Variants in CUX1 observed in about 807,000 individuals in gnomAD.
CUX1 encodes the protein cut like homeobox 1.
In CUX1, 31 loss-of-function variants were observed where a neutral mutation model predicts 158.8. The ratio of observed to expected loss-of-function variants is 0.20; its 90% CI spans 0.15 to 0.26. CUX1 has a LOEUF of 0.26. Ranked by LOEUF, CUX1 falls within the 10% of genes least tolerant of loss-of-function variation. CUX1 has a pLI of 1.00. For missense variants in CUX1, 1,589 were observed against 2,014.6 expected (o/e 0.79, Z 4.04); for synonymous variants, 879 against 862.1 (o/e 1.02, Z -0.34).
Position 102,170,548 on chromosome 7 carries a change from G to A in CUX1, c.826G>A (p.Val276Met), listed in dbSNP as rs563766526. Reference sequence around the variant, plus strand: ...CTCACAGATCCAGAAGGCACCAGACGTGGTGGGTAGCCCCGGCCCCGTGGG... The same window carrying A: ...CTCACAGATCCAGAAGGCACCAGACATGGTGGGTAGCCCCGGCCCCGTGGG... ...LASQIQKAPD[V>M]EQAIEVLTRS... The change falls in exon 10 of 24, where the codon GTG becomes ATG. Residue 276 changes from valine to methionine, a missense_variant and splice_region_variant. Coordinates refer to ENST00000292535, the MANE Select transcript of CUX1 (RefSeq NM_181552.4). 1.3e-5 allele frequency: 20 copies of A among 1,575,046 alleles called. No individual in the cohort carries two copies. The highest frequency in any genetic ancestry group is 8.1e-5 in the African/African-American group (6 of 73,892).
At chr7:101,861,620 TG>T (rs796192275) in intron 1 of CUX1, among the ~76,000 whole-genome samples, 6 of 17,368 alleles carry the variant, frequency 3.5e-4, no homozygotes, top group African/African-American at 1.4e-3. Context: ...TAGGGTGGGG[TG>T]GGGTGGGGTG....
intron 1 of CUX1, among the ~76,000 whole-genome samples, chr7:101,898,036 C>T (rs1041869156): frequency 6.6e-5 from 10 of 152,104 alleles, no homozygotes; most frequent in African/African-American, 2.4e-4. Flanking sequence ...TTGGCAGCCC[C>T]GAGGGGTCAG....
intron 5 of CUX1, among the ~76,000 whole-genome samples, chr7:102,102,081 T>A (rs1554486644): frequency 3.3e-5 from 5 of 152,046 alleles, no homozygotes. Flanking sequence ...GAGAGAGACG[T>A]ATCACCAACC....
At position 102,021,621 on chromosome 7, in the gene CUX1, T is replaced by C. The variant is rs868345202; in HGVS notation, c.142-6477T>C. Among the ~76,000 whole-genome samples the C allele has an allele frequency of 6.1e-3, 829 of 136,710 alleles. 5 individuals carry two copies. Among genetic ancestry groups the C allele is most frequent in the African/African-American group, 0.02 (716 of 36,686 alleles). The allele number at this position is 136,710 out of a possible 152,430, so 89.7% of individuals were successfully genotyped here. ...CCAGATACTTTTTTTTCTCTTTTTT[T>C]TTTTTTTTTTTTTTTGGATGGAGTT... On this transcript the variant is annotated intron_variant, in intron 2 of 23. Transcript: ENST00000292535.
chr7:102,168,918 C>CTTTTTTTTTTTTTTTTTTTTTTT (rs1239519322), intron 9 of CUX1, among the ~76,000 whole-genome samples: 3 of 84,130 alleles, frequency 3.6e-5, no homozygotes, highest in African/African-American at 6.9e-5. Flanking sequence ...CTTTTATTTT[C>CTTTTTTTTTTTTTTTTTTTTTTT]TTTTCTTTTC....
chr7:102,243,801 G>T (rs1800510264), intron 23 of CUX1, among the ~76,000 whole-genome samples: 1 of 151,958 alleles, frequency 6.6e-6, no homozygotes, highest in African/African-American at 2.4e-5. Flanking sequence ...GCCAAGGCGG[G>T]CAGATCATCT....
intron 3 of CUX1, among the ~76,000 whole-genome samples, chr7:102,057,464 C>T (rs1172715512): frequency 6.6e-6 from 1 of 152,120 alleles, no homozygotes; most frequent in Non-Finnish European, 1.5e-5. Flanking sequence ...GGAAAGGAGT[C>T]ACCATTTTAG....
intron 7 of CUX1, among the ~76,000 whole-genome samples, chr7:102,114,075 A>G (rs1831208520): frequency 6.6e-6 from 1 of 152,126 alleles, no homozygotes; most frequent in African/African-American, 2.4e-5. Flanking sequence ...TGATGAGAGA[A>G]CTGAAGGTTA....
At position 102,255,011 on chromosome 7, in the gene CUX1, A is replaced by G. The variant is rs1554541534; in HGVS notation, c.*5969A>G. ...TTAAGTCCACCAACCCTTGGGCTTA[A>G]TCAGGACGGAAGAGGAGGGGGTGTG... On this transcript the variant is annotated 3_prime_UTR_variant, in exon 24 of 24. Coordinates refer to ENST00000292535, the MANE Select transcript of CUX1 (RefSeq NM_181552.4). 1 of 985,394 alleles carries G rather than the reference A, an allele frequency of 1.0e-6. No individual in the cohort carries two copies. The highest frequency in any genetic ancestry group is 1.7e-5 in the African/African-American group (1 of 57,234). 61.0% of individuals were successfully genotyped at this position (985,394 alleles called of 1,614,324 possible).
intron 8 of CUX1, among the ~76,000 whole-genome samples, chr7:102,121,381 T>C (rs1333345940): frequency 6.8e-6 from 1 of 148,100 alleles, no homozygotes; most frequent in Non-Finnish European, 1.5e-5. Context: ...AGTCTCGCTC[T>C]ATTGCCCAGG....
At chr7:101,957,346 A>G (rs1414574267) in intron 2 of CUX1, among the ~76,000 whole-genome samples, 1 of 152,122 alleles carries the variant, frequency 6.6e-6, no homozygotes, top group African/African-American at 2.4e-5. Flanking sequence ...CTTAGCAGGG[A>G]TTATTTTTGG....
rs1053580085 is a variant in CUX1 at position 102,281,111 on chromosome 7, G to T, written c.1821+251G>T. Among the ~76,000 whole-genome samples the T allele has an allele frequency of 3.9e-5, 6 of 152,338 alleles. No individual in the cohort carries two copies. The South Asian group carries it at 1.2e-3, about 32-fold the overall frequency. On this transcript the variant is annotated intron_variant, in intron 20 of 22. Coordinates refer to the CUX1 transcript ENST00000292538. ...CTGCAGCCTAGAGTCAGACATGGTGGCTCACACCTGTCATCCCAGCACTTT... is the reference window on the plus strand; with the variant it reads ...CTGCAGCCTAGAGTCAGACATGGTGTCTCACACCTGTCATCCCAGCACTTT...
intron 18 of CUX1, chr7:102,279,976 C>A: frequency 8.8e-7 from 1 of 1,138,702 alleles, no homozygotes; most frequent in Non-Finnish European, 1.3e-6. Flanking sequence ...CCCTGGGCTC[C>A]TGCCCTTCCC....
At chr7:101,868,651 G>T (rs1798167377) in intron 1 of CUX1, among the ~76,000 whole-genome samples, 1 of 152,174 alleles carries the variant, frequency 6.6e-6, no homozygotes, top group African/African-American at 2.4e-5. Context: ...TCATGGGTGG[G>T]GTTACTGAAG....
chr7:102,077,839 T>C (rs1054506444), intron 4 of CUX1, among the ~76,000 whole-genome samples: 5 of 152,030 alleles, frequency 3.3e-5, no homozygotes, highest in Admixed American at 6.6e-5. Flanking sequence ...TAATTAACCT[T>C]GTGTGGGTGA....
chr7:102,201,339 C>T lies in CUX1; in HGVS notation c.2063-21C>T. On this transcript the variant is annotated intron_variant, in intron 17 of 23. Coordinates refer to ENST00000292535, the MANE Select transcript of CUX1 (RefSeq NM_181552.4). The surrounding 1 kb of genome is among the most constrained non-coding windows in gnomAD (Gnocchi z 5.0). ...GAAGGGGGCCGCCCTGCCACACTCT[C>T]ACCCCTGTTTCTCCATGCAGCAGAG... is the stretch of plus-strand genomic sequence containing the variant. The T allele has an allele frequency of 1.9e-6, 3 of 1,606,390 alleles. No homozygotes were observed. The highest frequency in any genetic ancestry group is 2.6e-6 in the Non-Finnish European group (3 of 1,175,482).
intron 2 of CUX1, among the ~76,000 whole-genome samples, chr7:101,923,643 T>C (rs1805236783): frequency 6.6e-6 from 1 of 152,244 alleles, no homozygotes; most frequent in Admixed American, 6.5e-5. Context: ...TCTTGATCTC[T>C]GGAACGTTAA....
intron 3 of CUX1, among the ~76,000 whole-genome samples, chr7:102,038,630 G>A (rs1431569453): frequency 3.3e-5 from 5 of 152,100 alleles, no homozygotes; most frequent in Admixed American, 6.5e-5. Context: ...ACCTTGACGC[G>A]GCAGTTTCAC....
chr7:102,216,598 C>A (rs71540933), intron 20 of CUX1, among the ~76,000 whole-genome samples: 23 of 29,190 alleles, frequency 7.9e-4, no homozygotes, highest in East Asian at 5.4e-3. Context: ...ACACACACTC[C>A]CACACACACA....
Sources: gnomAD v4.1 joint callset for allele counts (sites outside exome capture counted in the v4.1 genomes callset) on GRCh38, gnomAD v4.1.1 for gene constraint, Gnocchi (gnomAD v3.1) non-coding constraint, MANE v1.5 for transcripts, NCBI Gene and HGNC (gene_info 2026-07-23, HGNC 2026-07-21) for gene names.